The following SLX4IP variants were observed in gnomAD, a reference collection of about 807,000 sequenced individuals.
The protein encoded by SLX4IP is SLX4 interacting protein.
Under a neutral mutation model 32.9 loss-of-function variants are expected in SLX4IP, and 34 were observed. That is an observed-to-expected ratio of 1.03 (90% CI 0.79 to 1.38). The LOEUF (loss-of-function observed/expected upper bound fraction) is 1.38, where lower values mean the gene tolerates loss of function less well. SLX4IP is among the 40% of genes most tolerant of loss of function. The probability of loss-of-function intolerance (pLI) is 0.00; values close to 1 mark genes in which losing one functional copy is unlikely to be tolerated. For synonymous variants in SLX4IP, 172 were observed against 171.7 expected (o/e 1.00, Z -0.01); for missense variants, 444 against 479.0 (o/e 0.93, Z 0.68).
intron 6 of SLX4IP, among the ~76,000 whole-genome samples, chr20:10,618,022 G>T (rs961500872): frequency 6.6e-6 from 1 of 152,192 alleles, no homozygotes; most frequent in Non-Finnish European, 1.5e-5. Context: ...GCTCATCCTG[G>T]TGGGGACTCT....
At chr20:10,531,775 A>G (rs1374761763) in intron 2 of SLX4IP, among the ~76,000 whole-genome samples, 1 of 152,140 alleles carries the variant, frequency 6.6e-6, no homozygotes, top group Non-Finnish European at 1.5e-5. Context: ...TCTGAGTGAA[A>G]AGAGAGAGAC....
chr20:10,532,227 A>G (rs548915090), intron 2 of SLX4IP, among the ~76,000 whole-genome samples: 2 of 152,338 alleles, frequency 1.3e-5, no homozygotes, highest in Admixed American at 6.5e-5. Context: ...CAAAAGAACT[A>G]ATCAAAAGAT....
At chr20:10,469,254 C>T (rs1443457290) in intron 2 of SLX4IP, among the ~76,000 whole-genome samples, 2 of 152,032 alleles carry the variant, frequency 1.3e-5, no homozygotes, top group Non-Finnish European at 1.5e-5. Context: ...TTATTTCTTA[C>T]TGGTCTTTTT....
In SLX4IP at chr20:10,623,468, A is replaced by G; in HGVS notation, c.*89A>G. 1 of 1,487,916 alleles carries G rather than the reference A, an allele frequency of 6.7e-7. No homozygotes were observed. The highest frequency in any genetic ancestry group is 2.3e-5 in the East Asian group (1 of 43,000). The allele number at this position is 1,487,916 out of a possible 1,614,324, so 92.2% of individuals were successfully genotyped here. ...GCGAATATAGATGCCGGGATTTTAA[A>G]GGAATTAATTAGAATGACTAATTTA... On this transcript the variant is annotated 3_prime_UTR_variant, in exon 8 of 8. Coordinates refer to ENST00000334534, the MANE Select transcript of SLX4IP (RefSeq NM_001009608.3).
chr20:10,509,362 A>G (rs1298936155), intron 2 of SLX4IP, among the ~76,000 whole-genome samples: 8 of 152,214 alleles, frequency 5.3e-5, no homozygotes, highest in African/African-American at 1.9e-4. Flanking sequence ...GAGATCACCG[A>G]GTTGATAGTC....
intron 2 of SLX4IP, among the ~76,000 whole-genome samples, chr20:10,458,531 A>G (rs1199150270): frequency 1.3e-5 from 2 of 151,506 alleles, no homozygotes; most frequent in African/African-American, 4.9e-5. Flanking sequence ...TTCCCCCACA[A>G]CAGGTCCCAG....
At chr20:10,453,293 G>T (rs2065257932) in intron 1 of SLX4IP, among the ~76,000 whole-genome samples, 1 of 126,628 alleles carries the variant, frequency 7.9e-6, no homozygotes, top group Admixed American at 8.3e-5. Flanking sequence ...TCCACGAGTT[G>T]TCTAAAACTC....
At chr20:10,563,714 C>G (rs571109851) in intron 4 of SLX4IP, among the ~76,000 whole-genome samples, 2 of 152,246 alleles carry the variant, frequency 1.3e-5, no homozygotes, top group South Asian at 4.2e-4. Flanking sequence ...TCAGTTGGCT[C>G]TAAATAAGTG....
intron 6 of SLX4IP, chr20:10,613,846 C>T: frequency 6.2e-7 from 1 of 1,602,634 alleles, no homozygotes; most frequent in Non-Finnish European, 8.5e-7. Flanking sequence ...GCCAGCTCTT[C>T]TTCCAAACCT....
intron 2 of SLX4IP, among the ~76,000 whole-genome samples, chr20:10,553,024 C>T (rs924301016): frequency 6.6e-6 from 1 of 152,116 alleles, no homozygotes; most frequent in Non-Finnish European, 1.5e-5. Flanking sequence ...ATTCCAGAAT[C>T]CTTGGAACTT....
At chr20:10,447,373 T>G (rs1689471832) in intron 1 of SLX4IP, among the ~76,000 whole-genome samples, 1 of 152,204 alleles carries the variant, frequency 6.6e-6, no homozygotes. Flanking sequence ...TTGATCTTTT[T>G]TAGTCTTTCT....
intron 6 of SLX4IP, chr20:10,613,573 G>A: frequency 6.2e-7 from 1 of 1,612,652 alleles, no homozygotes; most frequent in Non-Finnish European, 8.5e-7. Context: ...GCTGCCTTCA[G>A]GCTATCCACG....
intron 2 of SLX4IP, among the ~76,000 whole-genome samples, chr20:10,473,625 CAG>C (rs2065446520): frequency 1.4e-5 from 2 of 145,810 alleles, no homozygotes; most frequent in African/African-American, 5.1e-5. Context: ...TTTTTTGAGA[CAG>C]AGTCTCACTG....
chr20:10,573,042 C>T (rs1202097691), intron 4 of SLX4IP, among the ~76,000 whole-genome samples: 2 of 152,186 alleles, frequency 1.3e-5, no homozygotes, highest in Non-Finnish European at 2.9e-5. Context: ...TCAACTTTCC[C>T]CAACACCCGA....
intron 3 of SLX4IP, among the ~76,000 whole-genome samples, chr20:10,558,907 G>A (rs553937703): frequency 5.3e-5 from 8 of 152,300 alleles, no homozygotes; most frequent in East Asian, 3.9e-4. Context: ...CCTTGCATTC[G>A]TCAAACTGAC....
chr20:10,609,789 A>AT (rs571797047), intron 6 of SLX4IP, among the ~76,000 whole-genome samples: 67 of 151,508 alleles, frequency 4.4e-4, no homozygotes, highest in African/African-American at 6.8e-4. Context: ...CAGAGAAGGC[A>AT]TTTTTTTTTA....
At chr20:10,487,616 G>A (rs1199700046) in intron 2 of SLX4IP, among the ~76,000 whole-genome samples, 3 of 152,136 alleles carry the variant, frequency 2.0e-5, no homozygotes, top group Admixed American at 1.3e-4. Flanking sequence ...CACTTGATAT[G>A]TAACTTGGGC....
intron 2 of SLX4IP, among the ~76,000 whole-genome samples, chr20:10,532,212 G>T (rs1033441178): frequency 2.6e-5 from 4 of 152,172 alleles, no homozygotes; most frequent in African/African-American, 9.6e-5. Flanking sequence ...TTAATTTATT[G>T]AATTCAAAAG....
intron 1 of SLX4IP, among the ~76,000 whole-genome samples, chr20:10,440,076 C>T (rs1271570641): frequency 1.3e-5 from 2 of 151,498 alleles, no homozygotes; most frequent in East Asian, 1.9e-4. Flanking sequence ...ATTACAATAT[C>T]GTGGACATAG....
Sources: gnomAD v4.1 joint callset for allele counts (sites outside exome capture counted in the v4.1 genomes callset) on GRCh38, gnomAD v4.1.1 for gene constraint, MANE v1.5 for transcripts, NCBI Gene and HGNC (gene_info 2026-07-23, HGNC 2026-07-21) for gene names.